The following TPTE variants were observed in gnomAD, a reference collection of about 807,000 sequenced individuals.
TPTE encodes putative tyrosine-protein phosphatase TPTE.
TPTE carries 59 observed loss-of-function variants against 84.1 expected under a neutral mutation model. The ratio of observed to expected loss-of-function variants is 0.70; its 90% CI spans 0.57 to 0.87. The LOEUF (loss-of-function observed/expected upper bound fraction) is 0.87, where lower values mean the gene tolerates loss of function less well. TPTE is among the 40% of genes least tolerant of loss of function. The pLI, the probability that TPTE is intolerant of heterozygous loss-of-function variation, is 0.00. For synonymous variants in TPTE, 130 were observed against 223.5 expected (o/e 0.58, Z 3.73); for missense variants, 382 against 659.6 (o/e 0.58, Z 4.61).
intron 8 of TPTE, among the ~76,000 whole-genome samples, chr21:10,555,612 CAATATGAGAGT>C (rs1322038710): frequency 2.0e-5 from 3 of 152,422 alleles, no homozygotes; most frequent in Middle Eastern, 3.4e-3. Flanking sequence ...TCTCAATATG[CAATATGAGAGT>C]AATATGTTTG....
chr21:10,539,694 G>A (rs1332295879), intron 4 of TPTE, among the ~76,000 whole-genome samples: 1 of 152,308 alleles, frequency 6.6e-6, no homozygotes, highest in Admixed American at 6.5e-5. Context: ...ACTTCTCTAA[G>A]GGTAAGGCAA....
At chr21:10,555,537 A>G (rs866450403) in intron 8 of TPTE, among the ~76,000 whole-genome samples, 33 of 152,420 alleles carry the variant, frequency 2.2e-4, no homozygotes, top group Middle Eastern at 6.8e-3. Context: ...TGTCATTTAA[A>G]TTTAGTTTTT....
At chr21:10,535,219 C>T (rs534854205) in intron 3 of TPTE, among the ~76,000 whole-genome samples, 2 of 152,422 alleles carry the variant, frequency 1.3e-5, no homozygotes, top group Non-Finnish European at 2.9e-5. Context: ...TTCCCCAGCC[C>T]ACAGCCAATT....
chr21:10,563,992 A>G (rs1486268271), intron 10 of TPTE, among the ~76,000 whole-genome samples: 1 of 152,308 alleles, frequency 6.6e-6, no homozygotes, highest in African/African-American at 2.4e-5. Flanking sequence ...TGTCTTTACT[A>G]AAAATGCAAA....
intron 19 of TPTE, among the ~76,000 whole-genome samples, chr21:10,594,344 G>A (rs1434243764): frequency 7.2e-5 from 11 of 152,412 alleles, no homozygotes; most frequent in Middle Eastern, 3.4e-3. Context: ...TAGGGACTAC[G>A]TCACTTTGCA....
intron 9 of TPTE, 116 bp from the exon 10 acceptor site, chr21:10,560,914 T>A (rs1046184154): frequency 7.6e-7 from 1 of 1,315,932 alleles, no homozygotes; most frequent in African/African-American, 1.5e-5. Flanking sequence ...GGCAGCTTAA[T>A]ACTAAATAAT....
chr21:10,600,145 T>C (rs1266053067), intron 21 of TPTE, among the ~76,000 whole-genome samples: 1 of 152,054 alleles, frequency 6.6e-6, no homozygotes, highest in South Asian at 2.1e-4. Flanking sequence ...TTTTTCTTTT[T>C]TTTTTTTTTT....
chr21:10,590,585 C>T (rs1221336607), intron 18 of TPTE, 62 bp downstream of exon 18: 1 of 1,607,036 alleles, frequency 6.2e-7, no homozygotes, highest in East Asian at 2.2e-5. Flanking sequence ...TCTGAAACAT[C>T]ACTGGCAGGA....
In TPTE at chr21:10,541,460, C is replaced by T. The variant is rs1462672645; in HGVS notation, c.65+295C>T. On this transcript the variant is annotated intron_variant, in intron 5 of 23. Transcript: ENST00000618007. The stretch of plus-strand genomic sequence containing the variant: ...TGCATTCCACCCTGGGCAGCAGGAG[C>T]GAAACTGTTGCAAAAATGAAAAAAA... 8.6e-5 allele frequency among the ~76,000 whole-genome samples: 13 copies of T among 151,886 alleles called. No individual in the cohort carries two copies. In the East Asian group the frequency reaches 1.4e-3, roughly 16 times the overall value.
chr21:10,570,013 A>C (rs1233447783), intron 13 of TPTE, among the ~76,000 whole-genome samples: 1 of 152,310 alleles, frequency 6.6e-6, no homozygotes, highest in African/African-American at 2.4e-5. Flanking sequence ...ATTAACCTCT[A>C]GTAGTTATTT....
chr21:10,549,316 T>C (rs1338541206), intron 7 of TPTE, among the ~76,000 whole-genome samples: 1 of 152,300 alleles, frequency 6.6e-6, no homozygotes, highest in Non-Finnish European at 1.5e-5. Flanking sequence ...ACCATGAAAA[T>C]GCAAGAAAAC....
At chr21:10,530,371 GTATA>G (rs1245484840) in intron 3 of TPTE, among the ~76,000 whole-genome samples, 1 of 152,308 alleles carries the variant, frequency 6.6e-6, no homozygotes, top group Non-Finnish European at 1.5e-5. Flanking sequence ...TTAATACACA[GTATA>G]TACATTTATA....
intron 21 of TPTE, among the ~76,000 whole-genome samples, chr21:10,599,684 G>A (rs1293966032): frequency 1.3e-4 from 20 of 152,260 alleles, no homozygotes; most frequent in Non-Finnish European, 2.1e-4. Context: ...GAGCTCTGAA[G>A]ATATAATAGC....
intron 2 of TPTE, among the ~76,000 whole-genome samples, chr21:10,526,292 C>G (rs1170472831): frequency 2.6e-5 from 4 of 152,430 alleles, no homozygotes; most frequent in African/African-American, 9.6e-5. Flanking sequence ...AACTCTGGCA[C>G]TCCTTTCCTC....
intron 10 of TPTE, among the ~76,000 whole-genome samples, chr21:10,563,781 A>G (rs577309916): frequency 5.2e-5 from 8 of 152,426 alleles, no homozygotes; most frequent in Admixed American, 2.0e-4. Flanking sequence ...GGCAGGAGTA[A>G]GTCCTTACTT....
intron 20 of TPTE, among the ~76,000 whole-genome samples, chr21:10,597,524 C>T (rs1285371839): frequency 2.0e-5 from 3 of 152,198 alleles, no homozygotes; most frequent in Non-Finnish European, 4.4e-5. Flanking sequence ...AAGCAATTCT[C>T]CTGTCTCAGC....
chr21:10,569,451 T>A lies in TPTE; in HGVS notation c.581T>A (p.Leu194His), dbSNP rs546847748. ...LRNIPRWTHLLRLLRLIILLR... is the reference protein window; with the variant it reads ...LRNIPRWTHLHRLLRLIILLR... ...TTTATTCTTAGATGGACACATTTACTTCGACTTCTACGACTTATTATTCTG... is the reference window on the plus strand; with the variant it reads ...TTTATTCTTAGATGGACACATTTACATCGACTTCTACGACTTATTATTCTG... Residue 194 changes from leucine (L) to histidine (H), a missense_variant, in exon 12 of 24, where the codon CTT becomes CAT. Around this residue, in one of 10 missense-constraint regions of TPTE, gnomAD observed 85 missense variants for 230.9 expected, o/e 0.37. Coordinates refer to ENST00000618007, the MANE Select transcript of TPTE (RefSeq NM_199261.4). The A allele has an allele frequency of 6.2e-7, 1 of 1,613,390 alleles. No homozygotes were observed. The highest frequency in any genetic ancestry group is 1.1e-5 in the South Asian group (1 of 90,772).
intron 3 of TPTE, among the ~76,000 whole-genome samples, chr21:10,530,810 A>G (rs937604641): frequency 6.6e-6 from 1 of 152,304 alleles, no homozygotes; most frequent in Non-Finnish European, 1.5e-5. Flanking sequence ...ACACATTCAC[A>G]ACAACACTTG....
Position 10,593,754 on chromosome 21 carries a change from C to T in TPTE, c.1170+1381C>T, listed in dbSNP as rs145032541. Among the ~76,000 whole-genome samples, 1,575 of 149,918 alleles carry T rather than the reference C, an allele frequency of 0.011. No individual in the cohort carries two copies. In the East Asian group the frequency reaches 0.11, roughly 10 times the overall value. On this transcript the variant is annotated intron_variant, in intron 19 of 23. Transcript: ENST00000618007. ...TGTGCACAGCTTGTCATTTATATTG[C>T]CTTTTCTATATTGCCCCTGAAACCG...
Sources: allele counts gnomAD v4.1 joint callset (sites outside exome capture counted in the v4.1 genomes callset), GRCh38; gene constraint gnomAD v4.1.1; regional missense constraint gnomAD v4.1.1; transcripts MANE v1.5; gene names NCBI Gene and HGNC (gene_info 2026-07-23, HGNC 2026-07-21).